Variants in MOCS2 observed in about 807,000 individuals in gnomAD.
MOCS2 encodes the protein molybdenum cofactor synthesis 2.
A neutral mutation model predicts 21.9 loss-of-function variants in MOCS2; 13 were observed. The observed-to-expected ratio is 0.59, with a 90% CI of 0.39 to 0.94. MOCS2 has a LOEUF of 0.94. MOCS2 is among the 40% of genes least tolerant of loss of function. The pLI, the probability that MOCS2 is intolerant of heterozygous loss-of-function variation, is 0.00. For missense variants in MOCS2, 227 were observed against 218.3 expected, an observed-to-expected ratio of 1.04 and a Z score of -0.25; for synonymous variants, 92 against 80.8, an observed-to-expected ratio of 1.14 and a Z score of -0.74.
Position 53,101,003 on chromosome 5 carries a change from T to G in MOCS2, c.377+356A>C, listed in dbSNP as rs555164923. On this transcript the variant is annotated intron_variant, in intron 5 of 6. Coordinates refer to ENST00000396954, the MANE Select transcript of MOCS2 (RefSeq NM_004531.5). ...ATAGATACAGTCTCAATTACTGGCT[T>G]CTTTTTAAAGCCAAGAACTCTTCTC... The G allele has an allele frequency of 1.5e-4, 52 of 342,960 alleles. No homozygotes were observed. The South Asian group carries it at 1.9e-3, about 12-fold the overall frequency. 21.2% of individuals were successfully genotyped at this position (342,960 alleles called of 1,614,324 possible).
At chr5:53,100,944 T>C (rs1235396224) in intron 5 of MOCS2, 1 of 296,892 alleles carries the variant, frequency 3.4e-6, no homozygotes, top group Non-Finnish European at 6.3e-6. Context: ...AAACTACTGG[T>C]TATTAATAAC....
chr5:53,103,627 A>G (rs1007884788), intron 3 of MOCS2, among the ~76,000 whole-genome samples: 1 of 152,240 alleles, frequency 6.6e-6, no homozygotes, highest in East Asian at 1.9e-4. Flanking sequence ...GCCAGGCACT[A>G]GATATCAATC....
rs752128369 is a variant in MOCS2, at chr5:53,097,477, CTAAG to C, written c.*1121_*1124del. On this transcript the variant is annotated 3_prime_UTR_variant, in exon 7 of 7. Coordinates refer to ENST00000396954, the MANE Select transcript of MOCS2 (RefSeq NM_004531.5). ...AGACATAAGAAAAAAATCCTTCAATCTAAGTGTCTGAAAGTATAGCTTTTGTTCT... is the reference window on the plus strand; with the variant it reads ...AGACATAAGAAAAAAATCCTTCAATCTGTCTGAAAGTATAGCTTTTGTTCT... 17 of 152,264 alleles carry C rather than the reference CTAAG, an allele frequency of 1.1e-4. No homozygotes were observed. The highest frequency in any genetic ancestry group is 2.4e-4 in the Non-Finnish European group (16 of 68,026). 9.4% of individuals were successfully genotyped at this position (152,264 alleles called of 1,614,324 possible).
intron 6 of MOCS2, among the ~76,000 whole-genome samples, chr5:53,099,182 T>A (rs1038891573): frequency 2.0e-5 from 3 of 152,182 alleles, no homozygotes; most frequent in African/African-American, 7.2e-5. Context: ...GGGAGAGGAA[T>A]TCAAATTCAA....
chr5:53,107,038 T>TC, intron 3 of MOCS2, 39 bp downstream of exon 3: 16 of 1,611,188 alleles, frequency 9.9e-6, no homozygotes, highest in Non-Finnish European at 1.4e-5. Context: ...GTATGATCCT[T>TC]CCCCACACGA....
rs1561170749 is a variant in MOCS2, at chr5:53,096,512, C to T, written c.*2090G>A. 2 of 151,726 alleles carry T rather than the reference C, an allele frequency of 1.3e-5. No individual in the cohort carries two copies. Among genetic ancestry groups the T allele is most frequent in the Admixed American group, 1.3e-4 (2 of 15,252 alleles). The allele number at this position is 151,726 out of a possible 1,614,324, so 9.4% of individuals were successfully genotyped here. On this transcript the variant is annotated 3_prime_UTR_variant, in exon 7 of 7. Coordinates refer to ENST00000396954, the MANE Select transcript of MOCS2 (RefSeq NM_004531.5). ...GGCTAATTATTTTTTTTAGATTACT[C>T]TTCTAGTTACTTGAAGCTAAGTTAC...
intron 3 of MOCS2, 49 bp from the exon 4 acceptor site, chr5:53,102,273 C>A: frequency 1.3e-6 from 2 of 1,544,026 alleles, no homozygotes; most frequent in Non-Finnish European, 1.8e-6. Context: ...AGGGGTAAAA[C>A]ACTCAACAAC....
chr5:53,107,140 C>T lies in MOCS2; in HGVS notation c.35G>A (p.Ser12Asn), dbSNP rs751330867. 1.9e-6 allele frequency: 3 copies of T among 1,614,122 alleles called. No individual in the cohort carries two copies. The highest frequency in any genetic ancestry group is 2.5e-6 in the Non-Finnish European group (3 of 1,180,002). ...SSLEISSSCF[S>N]LETKLPLSPP... ...GGATAACGGCAATTTCGTCTCCAGGCTGAAGCACGAGGAGCTGATCTCCAA... is the reference window on the plus strand; with the variant it reads ...GGATAACGGCAATTTCGTCTCCAGGTTGAAGCACGAGGAGCTGATCTCCAA... The change falls in exon 3 of 7, where the codon AGC becomes AAC. Residue 12 changes from serine to asparagine, a missense_variant. By Grantham distance (46) the Ser-to-Asn change is conservative. Transcript: ENST00000396954.
chr5:53,100,450 G>A lies in MOCS2; in HGVS notation c.462C>T (p.Ala154=), dbSNP rs148367968. ...RAASLEAVSY[A]IDTLKAKVPI... ...GCACCTTGGCTTTTAAAGTATCAAT[G>A]GCATAGCTCACAGCTTCAAGAGATG... is the stretch of plus-strand genomic sequence containing the variant. Residue 154 remains alanine (A), a synonymous_variant, in exon 6 of 7, where the codon GCC becomes GCT. Coordinates refer to ENST00000396954, the MANE Select transcript of MOCS2 (RefSeq NM_004531.5). 102 of 1,613,790 alleles carry A rather than the reference G, an allele frequency of 6.3e-5. No homozygotes were observed. The African/African-American group carries it at 1.2e-3, about 19-fold the overall frequency.
chr5:53,105,248 T>C lies in MOCS2; in HGVS notation c.98+1829A>G, dbSNP rs564910453. Among the ~76,000 whole-genome samples, 21 of 152,166 alleles carry C rather than the reference T, an allele frequency of 1.4e-4. No homozygotes were observed. The South Asian group carries it at 2.9e-3, about 21-fold the overall frequency. On this transcript the variant is annotated intron_variant, in intron 3 of 6. Transcript: ENST00000396954. ...GACAGTCCAATAATATGAGTTCAAA[T>C]GCTGTCTTTTGAAAACCTCTTGAAT...
At chr5:53,109,193 G>C (rs748583293) in intron 1 of MOCS2, 58 bp downstream of exon 1, 79 of 734,366 alleles carry the variant, frequency 1.1e-4, no homozygotes, top group Non-Finnish European at 1.3e-4. Context: ...GAATTTGCTA[G>C]AACAAACTTG....
chr5:53,109,753 A>C lies in MOCS2; in HGVS notation c.-672T>G, dbSNP rs528861228. 242 of 1,547,326 alleles carry C rather than the reference A, an allele frequency of 1.6e-4. 1 individual carries two copies. The African/African-American group carries it at 2.1e-3, about 13-fold the overall frequency. On this transcript the variant is annotated 5_prime_UTR_variant, in exon 1 of 7. Transcript: ENST00000396954. ...ATCCCGCCTAGGACAGCGGGACCGA[A>C]TCACGGCCGCAAAGGCGCAGGCGCG...
chr5:53,102,961 A>C (rs1354800154), intron 3 of MOCS2, among the ~76,000 whole-genome samples: 1 of 151,808 alleles, frequency 6.6e-6, no homozygotes, highest in East Asian at 1.9e-4. Context: ...CAAAAAAAAA[A>C]AAAGAAAAAA....
Position 53,098,188 on chromosome 5 carries a change from GC to G in MOCS2, c.*413del, listed in dbSNP as rs3839261. 26,728 of 183,196 alleles carry G rather than the reference GC, an allele frequency of 0.15. 2,181 individuals are homozygous for G. Among genetic ancestry groups the G allele is most frequent in the African/African-American group, 0.21 (8,755 of 42,468 alleles). 11.3% of individuals were successfully genotyped at this position (183,196 alleles called of 1,614,324 possible). The stretch of plus-strand genomic sequence containing the variant: ...CCAGTTCTGCCAACATTCCTGTCAT[GC>G]ATCCTTAATAACAATGCTCTCCCAG... On this transcript the variant is annotated 3_prime_UTR_variant, in exon 7 of 7. Coordinates refer to ENST00000396954, the MANE Select transcript of MOCS2 (RefSeq NM_004531.5).
chr5:53,102,228 GAA>G lies in MOCS2; in HGVS notation c.99-6_99-5del, dbSNP rs746691284. 2 of 1,610,586 alleles carry G rather than the reference GAA, an allele frequency of 1.2e-6. No individual in the cohort carries two copies. Among genetic ancestry groups the G allele is most frequent in the Non-Finnish European group, 1.7e-6 (2 of 1,177,552 alleles). The stretch of plus-strand genomic sequence containing the variant: ...TTCAACTTCATCCATATCTTTCCTA[GAA>G]ATAATACATTAACAAACCTTAACAG... On this transcript the variant is annotated splice_region_variant and splice_polypyrimidine_tract_variant and intron_variant, in intron 3 of 6. Coordinates refer to ENST00000396954, the MANE Select transcript of MOCS2 (RefSeq NM_004531.5).
rs1740903917 is a variant in MOCS2 at position 53,101,427 on chromosome 5, GA to G, written c.308del (p.Val103AlafsTer17). Reference protein sequence around the residue: ...EAYLPMAENEVRKICSDIRQK... With the variant: ...EAYLPMAENEXRKICSDIRQK... ...GCCTAATGTCACTACAAATCTTTCT[GA>G]CTTCATTTTCCGCCATGGGTAGATA... On this transcript the variant is annotated frameshift_variant, in exon 5 of 7. Coordinates refer to ENST00000396954, the MANE Select transcript of MOCS2 (RefSeq NM_004531.5). LOFTEE classifies it high-confidence loss of function. 6.2e-7 allele frequency: 1 copy of G among 1,613,494 alleles called. No homozygotes were observed. Among genetic ancestry groups the G allele is most frequent in the African/African-American group, 1.3e-5 (1 of 74,850 alleles).
intron 3 of MOCS2, among the ~76,000 whole-genome samples, chr5:53,106,197 G>A (rs1468750948): frequency 3.3e-5 from 5 of 152,172 alleles, no homozygotes; most frequent in Non-Finnish European, 7.3e-5. Flanking sequence ...TCCCATTACT[G>A]AATATATACC....
chr5:53,105,785 A>G (rs1381762605), intron 3 of MOCS2, among the ~76,000 whole-genome samples: 1 of 152,242 alleles, frequency 6.6e-6, no homozygotes, highest in Non-Finnish European at 1.5e-5. Flanking sequence ...AACAGAGTGA[A>G]TAGACAACCT....
At position 53,101,461 on chromosome 5, in the gene MOCS2, T is replaced by C. The variant is rs1740905198; in HGVS notation, c.275A>G (p.Tyr92Cys). Reference protein sequence around the residue: ...FEGKKVISLEYEAYLPMAENE... With the variant: ...FEGKKVISLECEAYLPMAENE... ...TTCCGCCATGGGTAGATATGCTTCATATTCTAAGCTAATGACTTTTTTCCC... is the reference window on the plus strand; with the variant it reads ...TTCCGCCATGGGTAGATATGCTTCACATTCTAAGCTAATGACTTTTTTCCC... The change falls in exon 5 of 7, where the codon TAT (tyrosine) becomes TGT (cysteine). Residue 92 changes from tyrosine to cysteine, a missense_variant. Tyr to Cys is a radical substitution (Grantham distance 194). Coordinates refer to ENST00000396954, the MANE Select transcript of MOCS2 (RefSeq NM_004531.5). 1 of 1,612,182 alleles carries C rather than the reference T, an allele frequency of 6.2e-7. No individual in the cohort carries two copies. Among genetic ancestry groups the C allele is most frequent in the Non-Finnish European group, 8.5e-7 (1 of 1,178,562 alleles).
Sources: allele counts gnomAD v4.1 joint callset (sites outside exome capture counted in the v4.1 genomes callset), GRCh38; gene constraint gnomAD v4.1.1; transcripts MANE v1.5; gene names NCBI Gene and HGNC (gene_info 2026-07-23, HGNC 2026-07-21).